The following ZC4H2 variants were observed in gnomAD, a reference collection of about 807,000 sequenced individuals.
The protein encoded by ZC4H2 is zinc finger C4H2-type containing, also known as zinc finger C4H2 domain-containing protein.
For missense variants in ZC4H2, 137 were observed against 173.9 expected (o/e 0.79, Z 1.19); for synonymous variants, 84 against 66.3 (o/e 1.27, Z -1.30).
chrX:64,920,184 C>T lies in ZC4H2; in HGVS notation c.295G>A (p.Asp99Asn). ...KLLESTRRLH[D>N]EYKPLKEHVD... ...TGTTCTTTCAGTGGCTTATACTCAT[C>T]ATGCAGCCTCCTTGTAGACTCTAGC... is the stretch of plus-strand genomic sequence containing the variant. Residue 99 changes from aspartate to asparagine, a missense_variant, in exon 3 of 5, where the codon GAT becomes AAT. Coordinates refer to ENST00000374839, the MANE Select transcript of ZC4H2 (RefSeq NM_018684.4). 1 of 1,211,545 alleles carries T rather than the reference C, an allele frequency of 8.3e-7. No individual in the cohort carries two copies. Among genetic ancestry groups the T allele is most frequent in the South Asian group, 1.8e-5 (1 of 56,917 alleles).
At position 64,919,063 on chromosome X, in the gene ZC4H2, C is replaced by G; in HGVS notation, c.540G>C (p.Arg180Ser). The G allele has an allele frequency of 8.5e-7, 1 of 1,173,783 alleles. No homozygotes were observed. Among genetic ancestry groups the G allele is most frequent in the Non-Finnish European group, 1.1e-6 (1 of 874,457 alleles). ...TTACCTTCATAGGTGGGGGCTGCTGCCTGAAGGTGGCCGTCTGCCGAGTAT... is the reference window on the plus strand; with the variant it reads ...TTACCTTCATAGGTGGGGGCTGCTGGCTGAAGGTGGCCGTCTGCCGAGTAT... ...KQDTRQTATF[R>S]QQPPPMKACL... Residue 180 changes from arginine to serine, a missense_variant, in exon 4 of 5, where the codon AGG (arginine) becomes AGC (serine). By Grantham distance (110) the Arg-to-Ser change is moderately radical. Coordinates refer to ENST00000374839, the MANE Select transcript of ZC4H2 (RefSeq NM_018684.4).
At chrX:65,020,125 C>G (rs1357677872) in intron 1 of ZC4H2, among the ~76,000 whole-genome samples, 1 of 111,958 alleles carries the variant, frequency 8.9e-6, no homozygotes. Flanking sequence ...AGGATATTAT[C>G]CAGGAGAACT....
In ZC4H2 at chrX:64,976,333, T is replaced by G; in HGVS notation, c.45A>C (p.Lys15Asn). The change falls in exon 1 of 5, where the codon AAA (lysine) becomes AAC (asparagine). Residue 15 changes from lysine (K) to asparagine (N), a missense_variant. Lys to Asn is a moderately conservative substitution (Grantham distance 94, BLOSUM62 0). Transcript: ENST00000374839. ...QEIMCKLESIKEIRNKTLQME... is the reference protein window; with the variant it reads ...QEIMCKLESINEIRNKTLQME... ...GACAACGTGCCACTTACCTGATCTC[T>G]TTAATGCTTTCCAATTTGCACATGA... 2 of 1,211,825 alleles carry G rather than the reference T, an allele frequency of 1.7e-6. No individual in the cohort carries two copies. The highest frequency in any genetic ancestry group is 2.2e-6 in the Non-Finnish European group (2 of 895,441).
At chrX:65,021,856 C>G (rs772538479) in intron 1 of ZC4H2, among the ~76,000 whole-genome samples, 8 of 111,450 alleles carry the variant, frequency 7.2e-5, no homozygotes, top group African/African-American at 2.6e-4. Context: ...CACCACCGAT[C>G]CCACAGAAAT....
intron 1 of ZC4H2, among the ~76,000 whole-genome samples, chrX:64,922,743 T>C (rs1333816288): frequency 8.9e-6 from 1 of 112,329 alleles, no homozygotes; most frequent in Admixed American, 9.4e-5. Context: ...TTTGTATCTG[T>C]GCTGTCCAGT....
At chrX:64,934,956 C>A (rs1390172259) in intron 1 of ZC4H2, among the ~76,000 whole-genome samples, 1 of 109,336 alleles carries the variant, frequency 9.1e-6, no homozygotes, top group Non-Finnish European at 1.9e-5. Flanking sequence ...TTCCCCCATA[C>A]CTTAAGGGCC....
At chrX:64,952,646 C>A (rs866312403) in intron 1 of ZC4H2, among the ~76,000 whole-genome samples, 1 of 110,797 alleles carries the variant, frequency 9.0e-6, no homozygotes, top group East Asian at 2.9e-4. Flanking sequence ...GAACTACAAA[C>A]CACTGCTCAA....
chrX:64,986,190 C>A (rs1374228672), intron 1 of ZC4H2, among the ~76,000 whole-genome samples: 2 of 112,130 alleles, frequency 1.8e-5, no homozygotes, highest in African/African-American at 6.5e-5. Flanking sequence ...CAAGGCTTGG[C>A]CAAAGATCAA....
chrX:64,938,164 C>A (rs755062487), intron 1 of ZC4H2, among the ~76,000 whole-genome samples: 1 of 111,955 alleles, frequency 8.9e-6, no homozygotes, highest in Non-Finnish European at 1.9e-5. Context: ...CACCTCTATG[C>A]AAATAAACTA....
chrX:64,957,840 T>G (rs1293465255), intron 1 of ZC4H2, among the ~76,000 whole-genome samples: 1 of 109,816 alleles, frequency 9.1e-6, no homozygotes, highest in Non-Finnish European at 1.9e-5. Flanking sequence ...CCAGCCCGGG[T>G]GAGAGAGTGA....
rs1395409159 is a variant in ZC4H2, at chrX:64,917,353, C to G, written c.*430G>C. ...GAATCCAACATGAAGACTATTGTCC[C>G]TTGAGAACCTAAGGCAAAAGTACAA... On this transcript the variant is annotated 3_prime_UTR_variant, in exon 5 of 5. Transcript: ENST00000374839. The G allele has an allele frequency of 1.7e-5, 2 of 120,859 alleles. No individual in the cohort carries two copies. The highest frequency in any genetic ancestry group is 6.5e-5 in the African/African-American group (2 of 30,724). 10.0% of individuals were successfully genotyped at this position (120,859 alleles called of 1,213,427 possible).
chrX:64,946,412 C>T (rs997403526), intron 1 of ZC4H2, among the ~76,000 whole-genome samples: 1 of 110,904 alleles, frequency 9.0e-6, no homozygotes, highest in African/African-American at 3.3e-5. Context: ...TCTGCTCGCC[C>T]TCTGTGGGCT....
At chrX:64,977,443 T>G (rs1464554720), upstream of ZC4H2, among the ~76,000 whole-genome samples, 1 of 112,284 alleles carries the variant, frequency 8.9e-6, no homozygotes, top group Admixed American at 9.4e-5. Flanking sequence ...AATGTCAGAC[T>G]AAAGGGTTTG....
chrX:65,030,371 C>T (rs1470516962), intron 1 of ZC4H2, among the ~76,000 whole-genome samples: 1 of 111,090 alleles, frequency 9.0e-6, no homozygotes, highest in African/African-American at 3.3e-5. Flanking sequence ...CCTTGACCTC[C>T]CAAAGTGCTG....
At chrX:65,022,301 G>C (rs1424929597) in intron 1 of ZC4H2, among the ~76,000 whole-genome samples, 1 of 111,577 alleles carries the variant, frequency 9.0e-6, no homozygotes, top group Admixed American at 9.5e-5. Flanking sequence ...ACCAAATCCA[G>C]GAGCACATCA....
intron 1 of ZC4H2, among the ~76,000 whole-genome samples, chrX:64,928,541 T>C (rs143555661): frequency 6.4e-4 from 71 of 111,742 alleles, no homozygotes; most frequent in African/African-American, 2.1e-3. Context: ...TAGTATAGTA[T>C]AGTGATGTTA....
chrX:65,033,968 A>G (rs1301052940), intron 1 of ZC4H2, among the ~76,000 whole-genome samples: 2 of 110,337 alleles, frequency 1.8e-5, no homozygotes, highest in African/African-American at 6.6e-5. Flanking sequence ...TTGCACCTGT[A>G]GTCCCAGCTA....
At chrX:64,929,928 G>T (rs894782018) in intron 1 of ZC4H2, among the ~76,000 whole-genome samples, 1 of 111,091 alleles carries the variant, frequency 9.0e-6, no homozygotes, top group Non-Finnish European at 1.9e-5. Context: ...ATTTTGATTA[G>T]AATTGCATTG....
intron 1 of ZC4H2, among the ~76,000 whole-genome samples, chrX:64,924,108 T>C (rs756604140): frequency 2.3e-4 from 26 of 111,848 alleles, no homozygotes; most frequent in African/African-American, 8.4e-4. Context: ...AAAACTAAGA[T>C]TCAGAGTAGT....
Sources: allele counts gnomAD v4.1 joint callset (sites outside exome capture counted in the v4.1 genomes callset), GRCh38; gene constraint gnomAD v4.1.1; transcripts MANE v1.5; gene names NCBI Gene and HGNC (gene_info 2026-07-23, HGNC 2026-07-21).